The following CDH4 variants were observed in gnomAD, a reference collection of about 807,000 sequenced individuals.
CDH4 encodes the protein cadherin-4.
In CDH4, 33 loss-of-function variants were observed where a neutral mutation model predicts 86.0. The ratio of observed to expected loss-of-function variants is 0.38; its 90% CI spans 0.29 to 0.51. CDH4 has a LOEUF of 0.51. CDH4 is among the 20% of genes least tolerant of loss of function. The pLI is 0.86. For synonymous variants in CDH4, 555 were observed against 549.4 expected (o/e 1.01, Z -0.14); for missense variants, 1,114 against 1,307.4 (o/e 0.85, Z 2.28).
At chr20:61,621,074 T>TA (rs1215619475) in intron 2 of CDH4, among the ~76,000 whole-genome samples, 1 of 152,252 alleles carries the variant, frequency 6.6e-6, no homozygotes, top group Admixed American at 6.5e-5. Flanking sequence ...ACACTGTTAA[T>TA]ATTTGTTCTA....
chr20:61,278,541 C>T (rs2084241975), intron 2 of CDH4, among the ~76,000 whole-genome samples: 3 of 152,234 alleles, frequency 2.0e-5, no homozygotes, highest in Non-Finnish European at 4.4e-5. Flanking sequence ...GCCCCTTCTG[C>T]TCTGAGAGGC....
chr20:61,408,819 A>C (rs1600950016), intron 2 of CDH4, among the ~76,000 whole-genome samples: 1 of 152,206 alleles, frequency 6.6e-6, no homozygotes, highest in East Asian at 1.9e-4. Context: ...ACAGATGTTT[A>C]TGGAAGGGAA....
intron 2 of CDH4, among the ~76,000 whole-genome samples, chr20:61,521,720 G>C (rs927759428): frequency 1.3e-5 from 2 of 152,142 alleles, no homozygotes; most frequent in Admixed American, 1.3e-4. Context: ...TAAGAGGGGG[G>C]TGGGTGTGGG....
intron 2 of CDH4, among the ~76,000 whole-genome samples, chr20:61,538,786 C>T (rs1022936629): frequency 2.0e-5 from 3 of 152,226 alleles, no homozygotes; most frequent in African/African-American, 4.8e-5. Flanking sequence ...CCAGATATGC[C>T]ACTTCTCGTC....
rs1008428771 is a variant in CDH4 at position 61,681,457 on chromosome 20, G to T, written c.170-62106G>T. 1.3e-5 allele frequency among the ~76,000 whole-genome samples: 2 copies of T among 152,148 alleles called. No homozygotes were observed. The highest frequency in any genetic ancestry group is 1.3e-4 in the Admixed American group (2 of 15,278). ...ACTGTGTGCGTATTTCAAGGGATCTGTTGGCTTCTGAGCTCTTGTTCTGAG... is the reference window on the plus strand; with the variant it reads ...ACTGTGTGCGTATTTCAAGGGATCTTTTGGCTTCTGAGCTCTTGTTCTGAG... On this transcript the variant is annotated intron_variant, in intron 2 of 15. Transcript: ENST00000614565. The surrounding 1 kb of genome is among the most constrained non-coding windows in gnomAD (Gnocchi z 4.5).
At chr20:61,626,591 C>T (rs1353434575) in intron 2 of CDH4, among the ~76,000 whole-genome samples, 1 of 152,196 alleles carries the variant, frequency 6.6e-6, no homozygotes, top group African/African-American at 2.4e-5. Context: ...TGGCGCCCGG[C>T]CTTGCCAGTC....
intron 2 of CDH4, among the ~76,000 whole-genome samples, chr20:61,632,012 C>T (rs115503159): frequency 0.018 from 2,729 of 152,380 alleles, 70 homozygotes; most frequent in African/African-American, 0.061. Flanking sequence ...GTGAAGGCTG[C>T]GCAAGTGGCT....
intron 2 of CDH4, among the ~76,000 whole-genome samples, chr20:61,647,562 T>TCTCTCTCTCTCCCC (rs2087077050): frequency 1.0e-5 from 1 of 100,246 alleles, no homozygotes; most frequent in African/African-American, 3.8e-5. Flanking sequence ...CCTCTCCCTC[T>TCTCTCTCTCTCCCC]CCCTCTCCCT....
At chr20:61,483,950 G>T (rs546135588) in intron 2 of CDH4, among the ~76,000 whole-genome samples, 1 of 152,222 alleles carries the variant, frequency 6.6e-6, no homozygotes, top group African/African-American at 2.4e-5. Flanking sequence ...CCATCTTTCT[G>T]ATATACTCAT....
intron 2 of CDH4, among the ~76,000 whole-genome samples, chr20:61,465,905 A>C: frequency 7.0e-6 from 1 of 142,354 alleles, no homozygotes; most frequent in Non-Finnish European, 1.5e-5. Context: ...ATACAGTTTT[A>C]CTTTCTAATG....
At chr20:61,935,811 G>A (rs1446420310) in intron 15 of CDH4, among the ~76,000 whole-genome samples, 1 of 152,176 alleles carries the variant, frequency 6.6e-6, no homozygotes, top group Non-Finnish European at 1.5e-5. Flanking sequence ...GCTTGAACGT[G>A]GGAGGCAGAG....
At chr20:61,668,850 A>G (rs1163989247) in intron 2 of CDH4, among the ~76,000 whole-genome samples, 2 of 152,350 alleles carry the variant, frequency 1.3e-5, no homozygotes, top group East Asian at 3.9e-4. Context: ...GAAAGGATGC[A>G]AGGAAAACGT....
At chr20:61,933,213 AGT>A (rs2055136011) in intron 14 of CDH4, 89 bp downstream of exon 14, 1 of 1,496,552 alleles carries the variant, frequency 6.7e-7, no homozygotes, top group African/African-American at 1.4e-5. Context: ...GGGGTTTAAC[AGT>A]AAGACATTTC....
At position 61,393,485 on chromosome 20, in the gene CDH4, C is replaced by T. The variant is rs563062196; in HGVS notation, c.169+138548C>T. Among the ~76,000 whole-genome samples the T allele has an allele frequency of 6.6e-6, 1 of 152,344 alleles. No individual in the cohort carries two copies. The highest frequency in any genetic ancestry group is 2.1e-4 in the South Asian group (1 of 4,828). On this transcript the variant is annotated intron_variant, in intron 2 of 15. Transcript: ENST00000614565. The surrounding 1 kb of genome is among the most constrained non-coding windows in gnomAD (Gnocchi z 4.3). Reference sequence around the variant, plus strand: ...TGGCAGTAAGCGACACGCTGAACCACAACTTTCTTTCCAGAGTAATTCTGA... The same window carrying T: ...TGGCAGTAAGCGACACGCTGAACCATAACTTTCTTTCCAGAGTAATTCTGA...
At chr20:61,932,861 C>G in intron 13 of CDH4, 124 bp from the exon 14 acceptor site, 2 of 1,313,588 alleles carry the variant, frequency 1.5e-6, no homozygotes, top group Non-Finnish European at 2.1e-6. Flanking sequence ...TGCATGCACA[C>G]ATGGGCACAG....
chr20:61,331,576 C>T (rs868339118), intron 2 of CDH4, among the ~76,000 whole-genome samples: 169 of 150,376 alleles, frequency 1.1e-3, no homozygotes, highest in Middle Eastern at 3.4e-3. Context: ...CCTGCCTGAC[C>T]ACCTGCCCCA....
At chr20:61,910,693 C>A in intron 9 of CDH4, 86 bp downstream of exon 9, 2 of 1,271,124 alleles carry the variant, frequency 1.6e-6, no homozygotes, top group Non-Finnish European at 2.2e-6. Context: ...GAGTGATACT[C>A]GGTGTAAAGT....
At chr20:61,633,844 C>T (rs532142989) in intron 2 of CDH4, among the ~76,000 whole-genome samples, 1 of 152,194 alleles carries the variant, frequency 6.6e-6, no homozygotes, top group Non-Finnish European at 1.5e-5. Context: ...CCATCTCCCC[C>T]CCAGCTGTCC....
chr20:61,550,389 G>C (rs2145672354), intron 2 of CDH4, among the ~76,000 whole-genome samples: 1 of 152,190 alleles, frequency 6.6e-6, no homozygotes, highest in East Asian at 1.9e-4. Flanking sequence ...TTCCTAGCTT[G>C]CCTCCCTGGC....
Sources: allele counts gnomAD v4.1 joint callset (sites outside exome capture counted in the v4.1 genomes callset), GRCh38; gene constraint gnomAD v4.1.1; non-coding constraint Gnocchi (gnomAD v3.1); transcripts MANE v1.5; gene names NCBI Gene and HGNC (gene_info 2026-07-23, HGNC 2026-07-21).